Variants in PTPRN2 observed in about 807,000 individuals in gnomAD.
PTPRN2 encodes the protein receptor-type tyrosine-protein phosphatase N2.
A neutral mutation model predicts 118.8 loss-of-function variants in PTPRN2; 74 were observed. That is an observed-to-expected ratio of 0.62 (90% CI 0.52 to 0.76). The LOEUF is 0.76. Ranked by LOEUF, PTPRN2 falls within the 30% of genes least tolerant of loss-of-function variation. PTPRN2 has a pLI of 0.00. For missense variants in PTPRN2, 1,481 were observed against 1,394.4 expected (o/e 1.06, Z -0.99); for synonymous variants, 641 against 608.0 (o/e 1.05, Z -0.80).
At chr7:158,373,454 A>C (rs1304424713) in intron 2 of PTPRN2, among the ~76,000 whole-genome samples, 1 of 152,204 alleles carries the variant, frequency 6.6e-6, no homozygotes, top group Non-Finnish European at 1.5e-5. Context: ...GAAAGAAAGA[A>C]ATATTTCTTT....
rs564049353 is a variant in PTPRN2 at position 158,567,957 on chromosome 7, T to G, written c.112+19601A>C. Among the ~76,000 whole-genome samples the G allele has an allele frequency of 2.0e-5, 3 of 152,320 alleles. No homozygotes were observed. In the South Asian group the frequency reaches 6.2e-4, roughly 32 times the overall value. On this transcript the variant is annotated intron_variant, in intron 1 of 22. Coordinates refer to ENST00000389418, the MANE Select transcript of PTPRN2 (RefSeq NM_002847.5). ...TGATGAGACTCTTATCTTTCCTTTA[T>G]TAAAAACTCTTTTGCCCAGGTGCAG... is the stretch of plus-strand genomic sequence containing the variant.
chr7:158,415,126 T>C (rs547792645), intron 2 of PTPRN2, among the ~76,000 whole-genome samples: 5 of 150,600 alleles, frequency 3.3e-5, no homozygotes, highest in Non-Finnish European at 1.5e-5. Context: ...TCTCTGATGA[T>C]ACAAACAGCT....
intron 2 of PTPRN2, among the ~76,000 whole-genome samples, chr7:158,320,610 G>A (rs1413565335): frequency 6.6e-6 from 1 of 152,218 alleles, no homozygotes; most frequent in Non-Finnish European, 1.5e-5. Context: ...ACACTTGGAG[G>A]CGTCCATGTT....
chr7:158,008,621 C>T (rs1805831158), intron 11 of PTPRN2, among the ~76,000 whole-genome samples: 1 of 152,262 alleles, frequency 6.6e-6, no homozygotes, highest in Admixed American at 6.5e-5. Context: ...ATTCCAAAAG[C>T]AGCAGCCTGC....
intron 5 of PTPRN2, among the ~76,000 whole-genome samples, chr7:158,180,065 G>T (rs1824565792): frequency 6.6e-6 from 1 of 152,240 alleles, no homozygotes. Context: ...CAATAAGGTT[G>T]CTTTCTTTTA....
chr7:158,194,705 G>A (rs926802635), intron 4 of PTPRN2, among the ~76,000 whole-genome samples: 4 of 152,352 alleles, frequency 2.6e-5, no homozygotes, highest in Admixed American at 6.5e-5. Context: ...GGCACTGGCT[G>A]CCTCAGAGCC....
intron 12 of PTPRN2, among the ~76,000 whole-genome samples, chr7:157,888,282 C>T (rs545079487): frequency 8.9e-4 from 135 of 152,226 alleles, no homozygotes; most frequent in African/African-American, 1.9e-3. Flanking sequence ...CTGTTACCTT[C>T]GCAAGCTCAG....
chr7:157,661,017 G>T (rs1049665311), intron 13 of PTPRN2, among the ~76,000 whole-genome samples: 3 of 152,240 alleles, frequency 2.0e-5, no homozygotes, highest in Non-Finnish European at 2.9e-5. Flanking sequence ...GCCTCGCAAA[G>T]TGTTGGGATT....
Position 157,814,193 on chromosome 7 carries a change from G to A in PTPRN2, c.1788+84480C>T, listed in dbSNP as rs912497104. 2.6e-5 allele frequency among the ~76,000 whole-genome samples: 4 copies of A among 152,212 alleles called. No individual in the cohort carries two copies. The East Asian group carries it at 5.8e-4, about 22-fold the overall frequency. ...TTGGCCTCCATCTTGACAGGCAGGCGAGGAAGCCCCTGCTGACGCCATTTA... is the reference window on the plus strand; with the variant it reads ...TTGGCCTCCATCTTGACAGGCAGGCAAGGAAGCCCCTGCTGACGCCATTTA... On this transcript the variant is annotated intron_variant, in intron 12 of 22. Coordinates refer to ENST00000389418, the MANE Select transcript of PTPRN2 (RefSeq NM_002847.5).
rs77253006 is a variant in PTPRN2 at position 158,544,715 on chromosome 7, G to A, written c.112+42843C>T. On this transcript the variant is annotated intron_variant, in intron 1 of 22. Coordinates refer to ENST00000389418, the MANE Select transcript of PTPRN2 (RefSeq NM_002847.5). This position sits in a 1 kb window ranked among gnomAD's most constrained non-coding sequence, Gnocchi z 4.2. ...CTATCACTGTGTGAGTGTATTTTAC[G>A]TGTGGTCCAAGATAATTCTTATTCC... 0.018 allele frequency among the ~76,000 whole-genome samples: 2,780 copies of A among 152,066 alleles called. 88 individuals carry two copies. The highest frequency in any genetic ancestry group is 0.057 in the African/African-American group (2,359 of 41,442).
intron 10 of PTPRN2, among the ~76,000 whole-genome samples, chr7:158,101,532 T>C (rs1185543580): frequency 6.6e-6 from 1 of 152,142 alleles, no homozygotes; most frequent in Non-Finnish European, 1.5e-5. Context: ...GGACTTAAAC[T>C]AAAAAGTTTC....
At chr7:157,800,200 C>A (rs1454351315) in intron 12 of PTPRN2, among the ~76,000 whole-genome samples, 4 of 152,346 alleles carry the variant, frequency 2.6e-5, no homozygotes, top group Non-Finnish European at 5.9e-5. Context: ...CTCAGAGGCA[C>A]CACAGCCAGC....
Position 158,570,347 on chromosome 7 carries a change from G to T in PTPRN2, c.112+17211C>A, listed in dbSNP as rs1827946557. 6.6e-6 allele frequency among the ~76,000 whole-genome samples: 1 copy of T among 152,214 alleles called. No homozygotes were observed. On this transcript the variant is annotated intron_variant, in intron 1 of 22. Transcript: ENST00000389418. The surrounding 1 kb of genome is among the most constrained non-coding windows in gnomAD (Gnocchi z 4.5). Reference sequence around the variant, plus strand: ...CGCGCTCTGCCAACCGGGACAAGGTGTTTTGCTGAATAAATAAATTAATAC... The same window carrying T: ...CGCGCTCTGCCAACCGGGACAAGGTTTTTTGCTGAATAAATAAATTAATAC...
chr7:158,171,155 T>TATATACAC (rs1563554756), intron 5 of PTPRN2, among the ~76,000 whole-genome samples: 2 of 20,088 alleles, frequency 1.0e-4, no homozygotes, highest in African/African-American at 2.0e-4. Flanking sequence ...TATATACACA[T>TATATACAC]ATATATACAC....
intron 3 of PTPRN2, among the ~76,000 whole-genome samples, chr7:158,308,460 A>G (rs1345299635): frequency 6.6e-6 from 1 of 152,228 alleles, no homozygotes; most frequent in Non-Finnish European, 1.5e-5. Flanking sequence ...GACAGAACAA[A>G]TATTTGAGTA....
chr7:157,747,672 G>A (rs1801073185), intron 12 of PTPRN2, among the ~76,000 whole-genome samples: 8 of 131,830 alleles, frequency 6.1e-5, no homozygotes, highest in African/African-American at 1.2e-4. Flanking sequence ...CCTGAGCTGT[G>A]GGCTGTTGAG....
chr7:157,925,572 T>C (rs1320480697), intron 11 of PTPRN2, among the ~76,000 whole-genome samples: 1 of 152,208 alleles, frequency 6.6e-6, no homozygotes, highest in Non-Finnish European at 1.5e-5. Context: ...CTGCCTGTTC[T>C]GAGGTGGTCA....
intron 3 of PTPRN2, among the ~76,000 whole-genome samples, chr7:158,244,548 T>TG (rs1396576392): frequency 3.7e-4 from 24 of 64,162 alleles, no homozygotes; most frequent in Middle Eastern, 5.7e-3. Context: ...GAGCATGTTT[T>TG]TTGTGTGTGT....
At chr7:158,516,058 G>T (rs1450774768) in intron 1 of PTPRN2, among the ~76,000 whole-genome samples, 2 of 152,200 alleles carry the variant, frequency 1.3e-5, no homozygotes, top group African/African-American at 2.4e-5. Flanking sequence ...CCTCACAGAA[G>T]CCTCTCTGGG....
Sources: gnomAD v4.1 joint callset for allele counts (sites outside exome capture counted in the v4.1 genomes callset) on GRCh38, gnomAD v4.1.1 for gene constraint, Gnocchi (gnomAD v3.1) non-coding constraint, MANE v1.5 for transcripts, NCBI Gene and HGNC (gene_info 2026-07-23, HGNC 2026-07-21) for gene names.